PTBP3: variants seen among roughly 807,000 people sequenced by gnomAD.
PTBP3 encodes polypyrimidine tract-binding protein 3.
PTBP3 carries 20 observed loss-of-function variants against 58.7 expected under a neutral mutation model. That is an observed-to-expected ratio of 0.34 (90% CI 0.24 to 0.50). The LOEUF (loss-of-function observed/expected upper bound fraction) is 0.50. Among genes scored for constraint, PTBP3 ranks in the 20% least tolerant of loss-of-function variants. The probability of loss-of-function intolerance (pLI) is 0.98; values close to 1 mark genes in which losing one functional copy is unlikely to be tolerated. For missense variants in PTBP3, 509 were observed against 637.2 expected (o/e 0.80, Z 2.17); for synonymous variants, 185 against 219.8 (o/e 0.84, Z 1.40).
intron 1 of PTBP3, among the ~76,000 whole-genome samples, chr9:112,306,568 G>C (rs1301586647): frequency 6.8e-6 from 1 of 148,014 alleles, no homozygotes; most frequent in Non-Finnish European, 1.5e-5. Context: ...AGAAAAACCA[G>C]AAAATTAATT....
At chr9:112,367,374 A>T in the PTBP3 span, among the ~76,000 whole-genome samples, 1 of 152,106 alleles carries the variant, frequency 6.6e-6, no homozygotes, top group Non-Finnish European at 1.5e-5. Flanking sequence ...AACTCCCTTT[A>T]GCATTTCTTG....
chr9:112,239,286 T>G (rs1189998503), intron 7 of PTBP3, among the ~76,000 whole-genome samples: 3 of 152,212 alleles, frequency 2.0e-5, no homozygotes, highest in Admixed American at 6.5e-5. Flanking sequence ...ATGGTTATTT[T>G]GCTTCCAGAA....
intron 12 of PTBP3, among the ~76,000 whole-genome samples, chr9:112,226,454 T>C (rs1291173732): frequency 6.6e-6 from 1 of 152,190 alleles, no homozygotes; most frequent in Non-Finnish European, 1.5e-5. Context: ...AGCTTTTATC[T>C]CTTTTCCAAA....
At chr9:112,327,234 C>T (rs1303479144) in intron 1 of PTBP3, among the ~76,000 whole-genome samples, 4 of 150,550 alleles carry the variant, frequency 2.7e-5, no homozygotes, top group South Asian at 2.1e-4. Context: ...ATAGCAAATA[C>T]GTCTCAGTTT....
chr9:112,269,886 A>G (rs1827297461), intron 3 of PTBP3, among the ~76,000 whole-genome samples: 1 of 152,126 alleles, frequency 6.6e-6, no homozygotes, highest in African/African-American at 2.4e-5. Flanking sequence ...AAGAAACAAG[A>G]AAAAAACCAA....
At chr9:112,282,092 C>T (rs1827894273) in intron 2 of PTBP3, among the ~76,000 whole-genome samples, 1 of 152,150 alleles carries the variant, frequency 6.6e-6, no homozygotes, top group African/African-American at 2.4e-5. Context: ...GGGCACCACC[C>T]ACCTTCATCA....
At chr9:112,368,993 C>T in the PTBP3 span, among the ~76,000 whole-genome samples, 1 of 152,226 alleles carries the variant, frequency 6.6e-6, no homozygotes, top group African/African-American at 2.4e-5. Context: ...ATCCCCAAGC[C>T]TTGATGGCTT....
At chr9:112,326,126 T>A (rs1374693825) in intron 1 of PTBP3, among the ~76,000 whole-genome samples, 1 of 152,208 alleles carries the variant, frequency 6.6e-6, no homozygotes, top group Non-Finnish European at 1.5e-5. Flanking sequence ...CGTGTTCTAT[T>A]ATCTTGAATG....
At chr9:112,256,812 T>G (rs1388569511) in intron 5 of PTBP3, among the ~76,000 whole-genome samples, 3 of 152,052 alleles carry the variant, frequency 2.0e-5, no homozygotes, top group Admixed American at 2.0e-4. Context: ...CCTGAGCTAC[T>G]GCACCCAGCT....
chr9:112,233,005 A>G (rs1383027491), intron 8 of PTBP3, among the ~76,000 whole-genome samples: 3 of 152,150 alleles, frequency 2.0e-5, no homozygotes, highest in African/African-American at 7.2e-5. Flanking sequence ...CCACTTCACC[A>G]CAAATCATGT....
chr9:112,315,915 T>C (rs1429424038), intron 1 of PTBP3, among the ~76,000 whole-genome samples: 1 of 152,172 alleles, frequency 6.6e-6, no homozygotes, highest in East Asian at 1.9e-4. Flanking sequence ...TTTAATTTTC[T>C]CTGAATAAAA....
At chr9:112,229,342 T>A (rs1835112868) in intron 10 of PTBP3, among the ~76,000 whole-genome samples, 1 of 152,064 alleles carries the variant, frequency 6.6e-6, no homozygotes, top group Non-Finnish European at 1.5e-5. Context: ...GGTGGGTGGA[T>A]CACTTGAGGT....
At chr9:112,224,376 T>A (rs1377922666) in intron 12 of PTBP3, among the ~76,000 whole-genome samples, 166 bp from the exon 13 acceptor site, 1 of 152,230 alleles carries the variant, frequency 6.6e-6, no homozygotes, top group Non-Finnish European at 1.5e-5. Flanking sequence ...AAAACTGACA[T>A]GTATCGTCAA....
At chr9:112,313,303 G>A (rs1425929410) in intron 1 of PTBP3, among the ~76,000 whole-genome samples, 4 of 152,086 alleles carry the variant, frequency 2.6e-5, no homozygotes, top group South Asian at 2.1e-4. Flanking sequence ...TCATGGGCTC[G>A]AATAATCCTC....
At chr9:112,327,356 C>A (rs1444846013) in intron 1 of PTBP3, among the ~76,000 whole-genome samples, 1 of 152,000 alleles carries the variant, frequency 6.6e-6, no homozygotes, top group Admixed American at 6.6e-5. Flanking sequence ...GTTAGGAGTT[C>A]GAGACCAGCC....
At chr9:112,231,952 G>A (rs1179192825) in intron 9 of PTBP3, 147 bp downstream of exon 9, 1 of 387,846 alleles carries the variant, frequency 2.6e-6, no homozygotes, top group Admixed American at 6.4e-5. Flanking sequence ...GAGAAGAGAA[G>A]AGAAGAGAAG....
In PTBP3 at chr9:112,221,791, T is replaced by G. The variant is rs1384611358; in HGVS notation, c.*2060A>C. 2.0e-6 allele frequency: 2 copies of G among 985,202 alleles called. No homozygotes were observed. Among genetic ancestry groups the G allele is most frequent in the African/African-American group, 3.5e-5 (2 of 57,234 alleles). The allele number at this position is 985,202 out of a possible 1,614,324, so 61.0% of individuals were successfully genotyped here. On this transcript the variant is annotated 3_prime_UTR_variant, in exon 14 of 14. Coordinates refer to ENST00000374257, the MANE Select transcript of PTBP3 (RefSeq NM_001163788.4). ...CTCAGTGGTGAGTGAATTCTGCTTT[T>G]TAAACAATCTGTATCATCTCTTGCA...
At chr9:112,333,376 G>C in intron 1 of PTBP3, 94 bp downstream of exon 1, 1 of 1,346,608 alleles carries the variant, frequency 7.4e-7, no homozygotes, top group South Asian at 1.7e-5. Context: ...CCGGCGCCGC[G>C]CACTGCTCCC....
Position 112,275,422 on chromosome 9 carries a change from A to G in PTBP3, c.204+422T>C, listed in dbSNP as rs192267731. Among the ~76,000 whole-genome samples, 17 of 152,310 alleles carry G rather than the reference A, an allele frequency of 1.1e-4. No homozygotes were observed. The East Asian group carries it at 3.3e-3, about 29-fold the overall frequency. ...AGTGCTGGGATTACAGGCGTGAGCCACTGCACCCGGCCGACAATACTATAC... is the reference window on the plus strand; with the variant it reads ...AGTGCTGGGATTACAGGCGTGAGCCGCTGCACCCGGCCGACAATACTATAC... On this transcript the variant is annotated intron_variant, in intron 3 of 13. Transcript: ENST00000374257.
Sources: allele counts gnomAD v4.1 joint callset (sites outside exome capture counted in the v4.1 genomes callset), GRCh38; gene constraint gnomAD v4.1.1; transcripts MANE v1.5; gene names NCBI Gene and HGNC (gene_info 2026-07-23, HGNC 2026-07-21).